Variants in TXNDC16 observed in about 807,000 individuals in gnomAD.
TXNDC16 encodes the protein thioredoxin domain-containing protein 16.
A neutral mutation model predicts 85.6 loss-of-function variants in TXNDC16; 74 were observed. That is an observed-to-expected ratio of 0.86 (90% CI 0.72 to 1.05). The LOEUF (loss-of-function observed/expected upper bound fraction) is 1.05, where lower values mean the gene tolerates loss of function less well. Among genes scored for constraint, TXNDC16 ranks in the 50% least tolerant of loss-of-function variants. The pLI is 0.00. For synonymous variants in TXNDC16, 335 were observed against 326.5 expected (o/e 1.03, Z -0.28); for missense variants, 959 against 947.0 (o/e 1.01, Z -0.17).
At chr14:52,546,759 T>G (rs1594770117) in intron 1 of TXNDC16, among the ~76,000 whole-genome samples, 1 of 152,348 alleles carries the variant, frequency 6.6e-6, no homozygotes, top group East Asian at 1.9e-4. Context: ...TATTTTCTCT[T>G]AAGCTGCATA....
chr14:52,544,793 C>T (rs112262913), intron 1 of TXNDC16, among the ~76,000 whole-genome samples: 170 of 151,756 alleles, frequency 1.1e-3, no homozygotes, highest in African/African-American at 4.0e-3. Flanking sequence ...AAAAATTTGC[C>T]ATCAATTTTT....
chr14:52,431,990 T>C lies in TXNDC16; in HGVS notation c.*314A>G, dbSNP rs2034908459. ...GGCTACTCGGAAGTAAGAAATGCAG[T>C]AAGTATAAAATATGTACTGCATTTA... On this transcript the variant is annotated 3_prime_UTR_variant, in exon 21 of 21. Coordinates refer to ENST00000281741, the MANE Select transcript of TXNDC16 (RefSeq NM_020784.3). 4.8e-6 allele frequency: 1 copy of C among 210,114 alleles called. No individual in the cohort carries two copies. Among genetic ancestry groups the C allele is most frequent in the Admixed American group, 5.8e-5 (1 of 17,384 alleles). 13.0% of individuals were successfully genotyped at this position (210,114 alleles called of 1,614,324 possible).
intron 16 of TXNDC16, among the ~76,000 whole-genome samples, chr14:52,461,777 C>T (rs10137059): frequency 0.27 from 41,321 of 152,162 alleles, 5,720 homozygotes; most frequent in East Asian, 0.38. Flanking sequence ...GCCTCCAGGC[C>T]TTACCATGGC....
intron 16 of TXNDC16, among the ~76,000 whole-genome samples, chr14:52,457,664 G>A (rs2035565113): frequency 6.6e-6 from 1 of 152,200 alleles, no homozygotes; most frequent in African/African-American, 2.4e-5. Context: ...TGTGCAAGTA[G>A]AAGGGATTCT....
intron 9 of TXNDC16, among the ~76,000 whole-genome samples, chr14:52,497,137 T>C (rs2036550812): frequency 6.6e-6 from 1 of 152,112 alleles, no homozygotes; most frequent in Non-Finnish European, 1.5e-5. Context: ...ATTAAATAAC[T>C]AAAATTACTT....
chr14:52,508,120 G>A (rs2036858559), intron 9 of TXNDC16, among the ~76,000 whole-genome samples: 1 of 152,108 alleles, frequency 6.6e-6, no homozygotes, highest in South Asian at 2.1e-4. Flanking sequence ...CCATCAGAGT[G>A]AACAGGCAAC....
chr14:52,515,542 A>AT (rs2037061032), intron 7 of TXNDC16, among the ~76,000 whole-genome samples: 1 of 151,906 alleles, frequency 6.6e-6, no homozygotes, highest in African/African-American at 2.4e-5. Context: ...GAAAACAATA[A>AT]TTTTACAAGG....
chr14:52,536,194 A>C (rs1157055850), intron 6 of TXNDC16, among the ~76,000 whole-genome samples: 3 of 152,218 alleles, frequency 2.0e-5, no homozygotes, highest in Non-Finnish European at 4.4e-5. Context: ...CCCTAATAAA[A>C]GAGACCCTGA....
At chr14:52,455,545 G>A in intron 17 of TXNDC16, 83 bp from the exon 18 acceptor site, 2 of 1,509,674 alleles carry the variant, frequency 1.3e-6, no homozygotes, top group Admixed American at 2.0e-5. Flanking sequence ...AGGTCACAGT[G>A]TGAGGCAGCA....
intron 18 of TXNDC16, among the ~76,000 whole-genome samples, chr14:52,454,948 G>A (rs1008719028): frequency 6.6e-6 from 1 of 152,142 alleles, no homozygotes; most frequent in Non-Finnish European, 1.5e-5. Context: ...GCTACTATGA[G>A]CTACATTTTA....
At position 52,482,973 on chromosome 14, in the gene TXNDC16, G is replaced by C. The variant is rs2036184487; in HGVS notation, c.1109-8C>G. 2.5e-6 allele frequency: 4 copies of C among 1,592,414 alleles called. No homozygotes were observed. The highest frequency in any genetic ancestry group is 3.4e-6 in the Non-Finnish European group (4 of 1,173,994). On this transcript the variant is annotated splice_polypyrimidine_tract_variant and splice_region_variant and intron_variant, in intron 12 of 20. Coordinates refer to ENST00000281741, the MANE Select transcript of TXNDC16 (RefSeq NM_020784.3). Reference sequence around the variant, plus strand: ...CTTCATCATCCTGAACATCTAAAATGTTGGAAAAGAAATTAATTTAAATAT... The same window carrying C: ...CTTCATCATCCTGAACATCTAAAATCTTGGAAAAGAAATTAATTTAAATAT...
At chr14:52,528,657 G>T (rs1158750650) in intron 6 of TXNDC16, among the ~76,000 whole-genome samples, 1 of 150,818 alleles carries the variant, frequency 6.6e-6, no homozygotes, top group Non-Finnish European at 1.5e-5. Flanking sequence ...TTGCTTAGTA[G>T]TAAGTCACAG....
chr14:52,444,183 T>C (rs1225545070), intron 18 of TXNDC16, among the ~76,000 whole-genome samples: 2 of 152,128 alleles, frequency 1.3e-5, no homozygotes, highest in East Asian at 1.9e-4. Context: ...AATGTGGTAC[T>C]TGGAAGGTGA....
intron 6 of TXNDC16, among the ~76,000 whole-genome samples, chr14:52,527,006 G>A (rs2037351297): frequency 1.3e-5 from 2 of 152,244 alleles, no homozygotes; most frequent in South Asian, 4.1e-4. Flanking sequence ...GGAGGGCATG[G>A]AAGCTCCACG....
In TXNDC16 at chr14:52,488,389, T is replaced by C. The variant is rs201862062; in HGVS notation, c.1082A>G (p.Asp361Gly). The change falls in exon 12 of 21, where the codon GAC becomes GGC. Residue 361 changes from aspartate (D) to glycine (G), a missense_variant. Asp to Gly is a moderately conservative substitution (Grantham distance 94). Coordinates refer to ENST00000281741, the MANE Select transcript of TXNDC16 (RefSeq NM_020784.3). ...TATATCTGGACCTTCCATGTCATTG[T>C]CTTCATCTTCTTGTATTTCCTCAAT... ...MHIEEIQEDE[D>G]NDMEGPDIDV... is the part of the protein sequence containing the mutation. 2 of 1,613,732 alleles carry C rather than the reference T, an allele frequency of 1.2e-6. No individual in the cohort carries two copies. The highest frequency in any genetic ancestry group is 1.7e-6 in the Non-Finnish European group (2 of 1,179,822).
chr14:52,496,089 G>T (rs2036525293), intron 9 of TXNDC16, among the ~76,000 whole-genome samples: 1 of 151,868 alleles, frequency 6.6e-6, no homozygotes, highest in Non-Finnish European at 1.5e-5. Context: ...GAACCTGAGA[G>T]GTGGAGCTTG....
At chr14:52,545,502 T>C (rs892694054) in intron 1 of TXNDC16, among the ~76,000 whole-genome samples, 3 of 152,234 alleles carry the variant, frequency 2.0e-5, no homozygotes, top group Non-Finnish European at 2.9e-5. Context: ...AGAAGTAGAA[T>C]TTATGTCTTC....
intron 12 of TXNDC16, among the ~76,000 whole-genome samples, chr14:52,484,488 T>C (rs2036222299): frequency 6.6e-6 from 1 of 152,220 alleles, no homozygotes; most frequent in Non-Finnish European, 1.5e-5. Context: ...GAGAAATTCC[T>C]ATCATCTGGT....
chr14:52,485,348 T>C (rs1038995535), intron 12 of TXNDC16, among the ~76,000 whole-genome samples: 13 of 152,228 alleles, frequency 8.5e-5, no homozygotes, highest in African/African-American at 3.1e-4. Flanking sequence ...TTAAGTTTAA[T>C]GTTATCACAA....
Sources: gnomAD v4.1 joint callset for allele counts (sites outside exome capture counted in the v4.1 genomes callset) on GRCh38, gnomAD v4.1.1 for gene constraint, MANE v1.5 for transcripts, NCBI Gene and HGNC (gene_info 2026-07-23, HGNC 2026-07-21) for gene names.